The following CTNNA2 variants were observed in gnomAD, a reference collection of about 807,000 sequenced individuals.
CTNNA2 encodes catenin alpha 2.
Under a neutral mutation model 101.0 loss-of-function variants are expected in CTNNA2, and 42 were observed. That is an observed-to-expected ratio of 0.42 (90% CI 0.32 to 0.54). The LOEUF is 0.54. Among genes scored for constraint, CTNNA2 ranks in the 20% least tolerant of loss-of-function variants. CTNNA2 has a pLI of 0.14. For synonymous variants in CTNNA2, 450 were observed against 456.4 expected, an observed-to-expected ratio of 0.99 and a Z score of 0.18; for missense variants, 871 against 1,223.1, an observed-to-expected ratio of 0.71 and a Z score of 4.29.
intron 4 of CTNNA2, among the ~76,000 whole-genome samples, chr2:79,461,130 C>T (rs555694158): frequency 2.0e-5 from 3 of 152,340 alleles, no homozygotes; most frequent in South Asian, 2.1e-4. Flanking sequence ...GCGTGAGCCA[C>T]GGTTCCTGGC....
At chr2:80,177,665 C>T (rs1705479376) in intron 7 of CTNNA2, among the ~76,000 whole-genome samples, 1 of 152,172 alleles carries the variant, frequency 6.6e-6, no homozygotes, top group South Asian at 2.1e-4. Context: ...TTATTAAAAT[C>T]CTCCTCTGGC....
intron 7 of CTNNA2, among the ~76,000 whole-genome samples, chr2:80,194,700 G>A (rs927385598): frequency 6.0e-5 from 9 of 149,880 alleles, no homozygotes; most frequent in Non-Finnish European, 8.9e-5. Context: ...TTTATTTGAG[G>A]AAAAATACCC....
chr2:80,034,841 A>G (rs1259984623), intron 7 of CTNNA2, among the ~76,000 whole-genome samples: 1 of 152,204 alleles, frequency 6.6e-6, no homozygotes. Flanking sequence ...ATAAATCTGC[A>G]CAACTCCTGT....
intron 7 of CTNNA2, chr2:80,328,433 C>A: frequency 2.1e-6 from 1 of 469,602 alleles, no homozygotes; most frequent in Middle Eastern, 3.6e-4. Flanking sequence ...GAGGGACCTA[C>A]TGAGAGGAAG....
intron 9 of CTNNA2, among the ~76,000 whole-genome samples, chr2:80,420,077 A>G (rs1040781164): frequency 2.6e-5 from 4 of 150,986 alleles, no homozygotes; most frequent in Non-Finnish European, 5.9e-5. Context: ...ACCTTCCCCA[A>G]AGAGATGTTT....
chr2:80,384,816 C>G (rs1216238957), intron 7 of CTNNA2, among the ~76,000 whole-genome samples: 2 of 152,018 alleles, frequency 1.3e-5, no homozygotes, highest in African/African-American at 2.4e-5. Flanking sequence ...TGCTCCAGAC[C>G]TTGCCTGAGG....
chr2:80,188,279 A>G lies in CTNNA2; in HGVS notation c.1057-204932A>G, dbSNP rs565029223. Among the ~76,000 whole-genome samples the G allele has an allele frequency of 3.3e-5, 5 of 152,188 alleles. No homozygotes were observed. The South Asian group carries it at 1.0e-3, about 32-fold the overall frequency. On this transcript the variant is annotated intron_variant, in intron 7 of 18. Coordinates refer to ENST00000402739, the MANE Select transcript of CTNNA2 (RefSeq NM_001282597.3). The stretch of plus-strand genomic sequence containing the variant: ...AAATGTGAATGTGAAGATCCTTGCA[A>G]GGGAGAAAAGTTACAAAATAAGAAG...
chr2:80,639,515 G>GTGTGTGTGTA (rs1406102208), intron 18 of CTNNA2, among the ~76,000 whole-genome samples: 5 of 108,486 alleles, frequency 4.6e-5, no homozygotes, highest in African/African-American at 1.1e-4. Context: ...CAGCCTTGAT[G>GTGTGTGTGTA]TGTGTGTGTG....
At chr2:79,874,640 C>A (rs375290110) in intron 6 of CTNNA2, among the ~76,000 whole-genome samples, 3 of 152,094 alleles carry the variant, frequency 2.0e-5, no homozygotes, top group African/African-American at 7.2e-5. Flanking sequence ...AACCCCGTCT[C>A]TACTAAAAAT....
intron 7 of CTNNA2, among the ~76,000 whole-genome samples, chr2:80,026,020 T>C (rs2104147189): frequency 6.6e-6 from 1 of 152,278 alleles, no homozygotes; most frequent in East Asian, 1.9e-4. Flanking sequence ...CAGGGATGTG[T>C]GTCACAGCGG....
At chr2:80,608,874 A>G (rs1698238272) in intron 17 of CTNNA2, among the ~76,000 whole-genome samples, 1 of 151,894 alleles carries the variant, frequency 6.6e-6, no homozygotes. Context: ...TAACAATTAT[A>G]TATTCTTTGC....
At chr2:80,138,852 CAT>C (rs1370997381) in intron 7 of CTNNA2, among the ~76,000 whole-genome samples, 4 of 152,138 alleles carry the variant, frequency 2.6e-5, no homozygotes, top group Non-Finnish European at 5.9e-5. Flanking sequence ...TTGCAGAATA[CAT>C]AGTCAACATT....
intron 13 of CTNNA2, chr2:80,575,062 CT>C (rs369055518): frequency 9.2e-5 from 14 of 152,136 alleles, no homozygotes; most frequent in Non-Finnish European, 2.1e-4. Flanking sequence ...TATAAGATGA[CT>C]TTTTTCTCCT....
rs950115225 is a variant in CTNNA2 at position 80,578,702 on chromosome 2, C to T, written c.1894-3004C>T. On this transcript the variant is annotated intron_variant, in intron 13 of 18. Transcript: ENST00000402739. The stretch of plus-strand genomic sequence containing the variant: ...TGGTTAAAATCATGGGCTCTGAAAC[C>T]GTCAACTTGTTGCCCGCCTCCATCA... 7.9e-5 allele frequency among the ~76,000 whole-genome samples: 12 copies of T among 152,224 alleles called. 1 individual carries two copies. The South Asian group carries it at 1.7e-3, about 21-fold the overall frequency.
chr2:79,200,582 T>C (rs1674021305), intron 2 of CTNNA2, among the ~76,000 whole-genome samples: 2 of 152,240 alleles, frequency 1.3e-5, no homozygotes, highest in South Asian at 4.1e-4. Context: ...TTAGGTTCCT[T>C]ATACAGCAGA....
At chr2:80,292,890 C>T (rs912647378) in intron 7 of CTNNA2, among the ~76,000 whole-genome samples, 14 of 152,124 alleles carry the variant, frequency 9.2e-5, no homozygotes, top group Non-Finnish European at 1.9e-4. Flanking sequence ...CTTTTCTTTC[C>T]TACAGCATGT....
At chr2:79,581,092 T>C (rs1297835696) in intron 1 of CTNNA2, among the ~76,000 whole-genome samples, 1 of 152,248 alleles carries the variant, frequency 6.6e-6, no homozygotes, top group Non-Finnish European at 1.5e-5. Flanking sequence ...GTATCATGGC[T>C]GACCTTTCAT....
At chr2:80,491,809 G>A (rs1047720594) in intron 9 of CTNNA2, among the ~76,000 whole-genome samples, 4 of 152,112 alleles carry the variant, frequency 2.6e-5, no homozygotes, top group Admixed American at 6.6e-5. Context: ...TCTCACTTCC[G>A]ACTGTGAGTT....
At chr2:80,559,177 A>T (rs1320299962) in intron 12 of CTNNA2, among the ~76,000 whole-genome samples, 1 of 152,220 alleles carries the variant, frequency 6.6e-6, no homozygotes, top group Non-Finnish European at 1.5e-5. Context: ...ATAACCCAAA[A>T]TAGGGACAAG....
Sources: allele counts gnomAD v4.1 joint callset (sites outside exome capture counted in the v4.1 genomes callset), GRCh38; gene constraint gnomAD v4.1.1; transcripts MANE v1.5; gene names NCBI Gene and HGNC (gene_info 2026-07-23, HGNC 2026-07-21).